GUCY1A2: variants seen among roughly 807,000 people sequenced by gnomAD.
GUCY1A2 encodes guanylate cyclase soluble subunit alpha-2.
In GUCY1A2, 27 loss-of-function variants were observed where a neutral mutation model predicts 63.5. That is an observed-to-expected ratio of 0.43 (90% CI 0.31 to 0.59). The LOEUF (loss-of-function observed/expected upper bound fraction) is 0.59, where lower values mean the gene tolerates loss of function less well. GUCY1A2 is among the 20% of genes least tolerant of loss of function. The pLI is 0.11. For missense variants in GUCY1A2, 768 were observed against 913.3 expected, an observed-to-expected ratio of 0.84 and a Z score of 2.05; for synonymous variants, 364 against 343.5, an observed-to-expected ratio of 1.06 and a Z score of -0.66.
intron 5 of GUCY1A2, among the ~76,000 whole-genome samples, chr11:106,779,844 A>G (rs1367509937): frequency 6.6e-6 from 1 of 152,216 alleles, no homozygotes; most frequent in Non-Finnish European, 1.5e-5. Flanking sequence ...TGTGGGCACA[A>G]TGTAAATATG....
chr11:106,945,524 G>A (rs1318833856), intron 3 of GUCY1A2, among the ~76,000 whole-genome samples: 1 of 152,188 alleles, frequency 6.6e-6, no homozygotes. Flanking sequence ...CACACACATA[G>A]ACACATGCTT....
rs766574315 is a variant in GUCY1A2, at chr11:106,684,375, T to G, written c.*3174A>C. On this transcript the variant is annotated 3_prime_UTR_variant, in exon 8 of 8. Coordinates refer to ENST00000526355, the MANE Select transcript of GUCY1A2 (RefSeq NM_000855.3). Reference sequence around the variant, plus strand: ...TCCCATGTTACCTGGAAGCTATGTCTTCTTCCCCTTCTCTACGTTATATAG... The same window carrying G: ...TCCCATGTTACCTGGAAGCTATGTCGTCTTCCCCTTCTCTACGTTATATAG... The G allele has an allele frequency of 5.2e-5, 10 of 191,108 alleles. No homozygotes were observed. Among genetic ancestry groups the G allele is most frequent in the Non-Finnish European group, 1.1e-4 (10 of 91,210 alleles). 11.8% of individuals were successfully genotyped at this position (191,108 alleles called of 1,614,324 possible).
chr11:106,723,824 C>T (rs1444464756), intron 6 of GUCY1A2, among the ~76,000 whole-genome samples: 2 of 142,696 alleles, frequency 1.4e-5, no homozygotes, highest in African/African-American at 5.2e-5. Flanking sequence ...AACTCCATCT[C>T]AAAAAAAAAA....
chr11:106,997,140 C>T (rs1298128905), intron 1 of GUCY1A2, among the ~76,000 whole-genome samples: 1 of 152,040 alleles, frequency 6.6e-6, no homozygotes, highest in Non-Finnish European at 1.5e-5. Context: ...TTCCTCATTC[C>T]TTCTAATAAA....
chr11:106,700,068 A>G (rs1862792836), intron 7 of GUCY1A2, among the ~76,000 whole-genome samples: 1 of 152,198 alleles, frequency 6.6e-6, no homozygotes, highest in Admixed American at 6.5e-5. Context: ...TTAAATTTCC[A>G]GACATACTCT....
chr11:106,839,848 G>A (rs1006802089), intron 4 of GUCY1A2, among the ~76,000 whole-genome samples: 9 of 139,314 alleles, frequency 6.5e-5, no homozygotes, highest in African/African-American at 1.9e-4. Flanking sequence ...ATCACACACC[G>A]GGGCCTGTTG....
chr11:106,907,064 C>T (rs886098298), intron 4 of GUCY1A2, among the ~76,000 whole-genome samples: 4 of 152,006 alleles, frequency 2.6e-5, no homozygotes, highest in African/African-American at 4.8e-5. Context: ...TGCACATGTA[C>T]CCCAGAACTT....
At chr11:107,011,515 A>G (rs1228496827) in intron 1 of GUCY1A2, among the ~76,000 whole-genome samples, 1 of 147,380 alleles carries the variant, frequency 6.8e-6, no homozygotes, top group African/African-American at 2.5e-5. Flanking sequence ...TATATAATAT[A>G]TATAAAATAT....
chr11:106,850,986 C>A (rs988283341), intron 4 of GUCY1A2, among the ~76,000 whole-genome samples: 1 of 151,896 alleles, frequency 6.6e-6, no homozygotes, highest in Admixed American at 6.6e-5. Flanking sequence ...CTTTTCTCTG[C>A]ATCTTTGCCA....
At chr11:106,827,894 G>T in intron 4 of GUCY1A2, 1 of 1,525,664 alleles carries the variant, frequency 6.6e-7, no homozygotes, top group Non-Finnish European at 9.1e-7. Context: ...CCTTCATGCT[G>T]CCGGACTCCC....
chr11:106,925,062 A>G (rs1189958867), intron 4 of GUCY1A2, among the ~76,000 whole-genome samples: 1 of 152,058 alleles, frequency 6.6e-6, no homozygotes, highest in Non-Finnish European at 1.5e-5. Context: ...AATAATCATA[A>G]TCTTTGAAAG....
At chr11:106,885,970 A>T (rs10749881) in intron 4 of GUCY1A2, among the ~76,000 whole-genome samples, 1 of 151,856 alleles carries the variant, frequency 6.6e-6, no homozygotes, top group Non-Finnish European at 1.5e-5. Flanking sequence ...GAGACAAAGA[A>T]AGAGAAAAAG....
At chr11:107,015,279 T>G (rs1861804084) in intron 1 of GUCY1A2, among the ~76,000 whole-genome samples, 1 of 152,154 alleles carries the variant, frequency 6.6e-6, no homozygotes, top group South Asian at 2.1e-4. Context: ...TATATAGAGC[T>G]GTTGCATTTA....
At chr11:106,906,663 A>G (rs1565327448) in intron 4 of GUCY1A2, among the ~76,000 whole-genome samples, 1 of 152,200 alleles carries the variant, frequency 6.6e-6, no homozygotes, top group Non-Finnish European at 1.5e-5. Context: ...ACTATTCACA[A>G]TAGCAAAGAC....
At chr11:106,763,717 T>G (rs1864109469) in intron 6 of GUCY1A2, among the ~76,000 whole-genome samples, 1 of 152,104 alleles carries the variant, frequency 6.6e-6, no homozygotes, top group African/African-American at 2.4e-5. Context: ...AGATTAGTAT[T>G]TGGCACTCAT....
chr11:106,958,611 TA>T (rs35988321), intron 3 of GUCY1A2, among the ~76,000 whole-genome samples: 49,362 of 142,808 alleles, frequency 0.35, 8,638 homozygotes, highest in Non-Finnish European at 0.41. Flanking sequence ...CTGTTTAATA[TA>T]AAAAAAAAAA....
intron 5 of GUCY1A2, among the ~76,000 whole-genome samples, chr11:106,783,291 C>T (rs994478154): frequency 3.9e-5 from 6 of 152,148 alleles, no homozygotes; most frequent in South Asian, 2.1e-4. Context: ...ACTAAAAGTC[C>T]GGAGAAGCCA....
chr11:106,985,477 T>C (rs896288907), intron 2 of GUCY1A2, among the ~76,000 whole-genome samples: 1 of 152,216 alleles, frequency 6.6e-6, no homozygotes, highest in African/African-American at 2.4e-5. Flanking sequence ...GATTTAGTTA[T>C]TATTATCATC....
intron 4 of GUCY1A2, among the ~76,000 whole-genome samples, chr11:106,885,261 CAATT>C (rs1168666168): frequency 6.6e-6 from 1 of 152,078 alleles, no homozygotes; most frequent in Non-Finnish European, 1.5e-5. Flanking sequence ...TGTCAGAAAA[CAATT>C]AACTTGTAGA....
Sources: allele counts gnomAD v4.1 joint callset (sites outside exome capture counted in the v4.1 genomes callset), GRCh38; gene constraint gnomAD v4.1.1; transcripts MANE v1.5; gene names NCBI Gene and HGNC (gene_info 2026-07-23, HGNC 2026-07-21).